NDE1: variants seen among roughly 807,000 people sequenced by gnomAD.
NDE1 encodes nuclear distribution protein nudE homolog 1.
In NDE1, 28 loss-of-function variants were observed where a neutral mutation model predicts 43.4. The ratio of observed to expected loss-of-function variants is 0.65; its 90% CI spans 0.48 to 0.89. The LOEUF is 0.89. Ranked by LOEUF, NDE1 falls within the 40% of genes least tolerant of loss-of-function variation. NDE1 has a pLI of 0.00. For missense variants in NDE1, 441 were observed against 434.1 expected (o/e 1.02, Z -0.14); for synonymous variants, 184 against 172.0 (o/e 1.07, Z -0.55).
intron 4 of NDE1, among the ~76,000 whole-genome samples, chr16:15,679,762 C>T (rs780151359): frequency 4.6e-5 from 7 of 151,516 alleles, no homozygotes; most frequent in African/African-American, 7.3e-5. Flanking sequence ...GTGTTTCCCA[C>T]AGACTATTAG....
chr16:15,695,178 T>C (rs2038950969), intron 7 of NDE1, among the ~76,000 whole-genome samples: 1 of 148,978 alleles, frequency 6.7e-6, no homozygotes, highest in South Asian at 2.1e-4. Flanking sequence ...CACGACGTTG[T>C]CTCAGAAGAG....
At chr16:15,709,298 C>T (rs1473938911) in intron 8 of NDE1, among the ~76,000 whole-genome samples, 1 of 151,864 alleles carries the variant, frequency 6.6e-6, no homozygotes, top group Non-Finnish European at 1.5e-5. Context: ...ACGCCAAGAG[C>T]ATTTGGTGAG....
chr16:15,659,425 CTTTT>C (rs35091023), intron 1 of NDE1, among the ~76,000 whole-genome samples: 1 of 58,892 alleles, frequency 1.7e-5, no homozygotes, highest in Non-Finnish European at 3.0e-5. Flanking sequence ...TGCACACAAT[CTTTT>C]TTTTTTTTTT....
intron 3 of NDE1, among the ~76,000 whole-genome samples, chr16:15,677,213 C>T (rs2037927649): frequency 6.6e-6 from 1 of 152,010 alleles, no homozygotes; most frequent in African/African-American, 2.4e-5. Flanking sequence ...GGCTTGTCTC[C>T]CGATTGTGGT....
At chr16:15,690,005 G>C (rs1304157420) in intron 5 of NDE1, among the ~76,000 whole-genome samples, 2 of 151,658 alleles carry the variant, frequency 1.3e-5, no homozygotes, top group African/African-American at 2.4e-5. Flanking sequence ...TTATGGTGAT[G>C]ATGAGTGAGG....
intron 8 of NDE1, chr16:15,718,785 T>C (rs2040308846): frequency 7.0e-6 from 3 of 430,624 alleles, no homozygotes; most frequent in Admixed American, 3.6e-5. Flanking sequence ...CTAACCACCA[T>C]GGGTCTGTCC....
At chr16:15,677,132 G>T (rs1324154393) in intron 3 of NDE1, among the ~76,000 whole-genome samples, 1 of 152,112 alleles carries the variant, frequency 6.6e-6, no homozygotes, top group Non-Finnish European at 1.5e-5. Flanking sequence ...AATGACACCT[G>T]CCTGTTCCCA....
At chr16:15,675,425 T>C (rs62036931) in intron 3 of NDE1, among the ~76,000 whole-genome samples, 1 of 20,288 alleles carries the variant, frequency 4.9e-5, no homozygotes, top group Admixed American at 5.9e-4. Context: ...TGATTTTGGG[T>C]TTTTTTTTTT....
At chr16:15,683,375 G>C (rs2038280070) in intron 4 of NDE1, 2 of 152,040 alleles carry the variant, frequency 1.3e-5, no homozygotes, top group South Asian at 4.2e-4. Context: ...ACAGAGTCTA[G>C]CTCTGTTACC....
intron 4 of NDE1, chr16:15,684,216 G>A (rs2038320162): frequency 6.6e-6 from 1 of 151,990 alleles, no homozygotes; most frequent in Non-Finnish European, 1.5e-5. Flanking sequence ...GGGCAACAGA[G>A]TGAGACTTCA....
At chr16:15,719,972 G>C (rs2040380773) in intron 8 of NDE1, among the ~76,000 whole-genome samples, 1 of 152,116 alleles carries the variant, frequency 6.6e-6, no homozygotes, top group Non-Finnish European at 1.5e-5. Flanking sequence ...TAATAATGCT[G>C]CCCTACCCAG....
intron 8 of NDE1, 27 bp downstream of exon 8, chr16:15,696,887 C>G (rs750732578): frequency 6.2e-7 from 1 of 1,610,290 alleles, no homozygotes; most frequent in Non-Finnish European, 8.5e-7. Context: ...AAACCTCTCG[C>G]TGGCGGGGAG....
At chr16:15,676,774 C>T (rs2037903562) in intron 3 of NDE1, among the ~76,000 whole-genome samples, 1 of 152,144 alleles carries the variant, frequency 6.6e-6, no homozygotes, top group African/African-American at 2.4e-5. Context: ...AATGGTCCTC[C>T]CACCTCAGCC....
intron 4 of NDE1, among the ~76,000 whole-genome samples, chr16:15,684,751 A>G (rs543470119): frequency 1.3e-5 from 2 of 152,268 alleles, no homozygotes; most frequent in East Asian, 3.9e-4. Flanking sequence ...GTGGTCCCTA[A>G]AACTAGAACT....
In NDE1 at chr16:15,726,072, C is replaced by G; in HGVS notation, c.*1821C>G. ...CACGCTGTTCCCTCTGCCTGGTAGA[C>G]TTATCCATGCTCCTTAGGGAAGCCT... On this transcript the variant is annotated 3_prime_UTR_variant, in exon 9 of 9. Coordinates refer to ENST00000396354, the MANE Select transcript of NDE1 (RefSeq NM_017668.3). The G allele has an allele frequency of 5.3e-6, 1 of 189,624 alleles. No homozygotes were observed. Among genetic ancestry groups the G allele is most frequent in the Non-Finnish European group, 1.1e-5 (1 of 93,146 alleles). The allele number at this position is 189,624 out of a possible 1,614,324, so 11.7% of individuals were successfully genotyped here.
In NDE1 at chr16:15,717,166, C is replaced by T. The variant is rs1050163; in HGVS notation, c.948-7025C>T. The stretch of plus-strand genomic sequence containing the variant: ...TGGCCTCCTGCTCGACCTGCTCCTC[C>T]AGCTGTGCAATCTTGGCCTCCAGCG... On this transcript the variant is annotated intron_variant, in intron 8 of 8. Coordinates refer to ENST00000396354, the MANE Select transcript of NDE1 (RefSeq NM_017668.3). 779,700 of 1,613,846 alleles carry T rather than the reference C, an allele frequency of 0.48. 191,592 individuals carry two copies. The highest frequency in any genetic ancestry group is 0.59 in the Middle Eastern group (3,578 of 6,062).
intron 4 of NDE1, among the ~76,000 whole-genome samples, chr16:15,683,915 T>C (rs758606831): frequency 8.6e-5 from 13 of 151,958 alleles, no homozygotes; most frequent in Non-Finnish European, 1.8e-4. Flanking sequence ...TGGTCACAAC[T>C]ACTCGGGAGG....
At chr16:15,679,668 T>G (rs1420988162) in intron 4 of NDE1, among the ~76,000 whole-genome samples, 1 of 152,344 alleles carries the variant, frequency 6.6e-6, no homozygotes, top group East Asian at 1.9e-4. Flanking sequence ...GTTTTCAACA[T>G]CTGGGTCACA....
At chr16:15,708,823 T>C in intron 8 of NDE1, 1 of 1,609,894 alleles carries the variant, frequency 6.2e-7, no homozygotes, top group Non-Finnish European at 8.5e-7. Flanking sequence ...ACTGCGAAGT[T>C]TCCTGTGGGG....
Sources: allele counts gnomAD v4.1 joint callset (sites outside exome capture counted in the v4.1 genomes callset), GRCh38; gene constraint gnomAD v4.1.1; transcripts MANE v1.5; gene names NCBI Gene and HGNC (gene_info 2026-07-23, HGNC 2026-07-21).